The following NXNL2 variants were observed in gnomAD, a reference collection of about 807,000 sequenced individuals.
The protein encoded by NXNL2 is nucleoredoxin-like protein 2.
Under a neutral mutation model 11.1 loss-of-function variants are expected in NXNL2, and 7 were observed. The observed-to-expected ratio is 0.63, with a 90% CI of 0.36 to 1.18. The LOEUF is 1.18. Among genes scored for constraint, NXNL2 ranks in the 50% most tolerant of loss-of-function variants. The pLI, the probability that NXNL2 is intolerant of heterozygous loss-of-function variation, is 0.02. For synonymous variants in NXNL2, 109 were observed against 101.8 expected, an observed-to-expected ratio of 1.07 and a Z score of -0.42; for missense variants, 233 against 217.7, an observed-to-expected ratio of 1.07 and a Z score of -0.44.
At chr9:88,581,694 G>T (rs924120816) in intron 1 of NXNL2, among the ~76,000 whole-genome samples, 12 of 152,174 alleles carry the variant, frequency 7.9e-5, no homozygotes, top group Non-Finnish European at 1.8e-4. Context: ...GACCTCAGGT[G>T]ATCCGCCCAC....
At chr9:88,554,092 G>A (rs534903028) in intron 1 of NXNL2, among the ~76,000 whole-genome samples, 4 of 152,342 alleles carry the variant, frequency 2.6e-5, no homozygotes, top group South Asian at 2.1e-4. Flanking sequence ...ATATGATGAG[G>A]TGGTGGAGTC....
intron 1 of NXNL2, among the ~76,000 whole-genome samples, chr9:88,562,992 G>A (rs527458865): frequency 7.9e-5 from 12 of 152,056 alleles, no homozygotes; most frequent in South Asian, 6.2e-4. Context: ...GGAGGCTGAG[G>A]CAGGAGAATC....
intron 1 of NXNL2, among the ~76,000 whole-genome samples, chr9:88,556,789 A>T (rs1431133160): frequency 1.3e-5 from 2 of 152,052 alleles, no homozygotes; most frequent in African/African-American, 4.8e-5. Context: ...CCATAGAAAG[A>T]TGTTAGGCCA....
At chr9:88,541,400 A>G (rs1205022608) in intron 1 of NXNL2, among the ~76,000 whole-genome samples, 1 of 151,898 alleles carries the variant, frequency 6.6e-6, no homozygotes, top group Non-Finnish European at 1.5e-5. Context: ...AGCTGGGACT[A>G]CAGGTGCGTG....
intron 1 of NXNL2, among the ~76,000 whole-genome samples, chr9:88,562,946 G>T (rs2118502540): frequency 6.6e-6 from 1 of 151,278 alleles, no homozygotes; most frequent in Non-Finnish European, 1.5e-5. Flanking sequence ...AAATTAGCTG[G>T]GCGTGGTGGC....
chr9:88,544,301 A>G, intron 1 of NXNL2, 78 bp from the exon 2 acceptor site: 1 of 1,338,182 alleles, frequency 7.5e-7, no homozygotes. Context: ...GCTGTACCTC[A>G]GGCTGGAGGG....
At chr9:88,576,757 A>G (rs762055747), downstream of NXNL2, among the ~76,000 whole-genome samples, 8 of 152,132 alleles carry the variant, frequency 5.3e-5, no homozygotes, top group Non-Finnish European at 1.0e-4. Flanking sequence ...GGAGTAGACT[A>G]CAGGCAGCCC....
intron 2 of NXNL2, among the ~76,000 whole-genome samples, chr9:88,574,372 G>A (rs956586314): frequency 1.3e-5 from 2 of 152,172 alleles, no homozygotes; most frequent in Admixed American, 1.3e-4. Context: ...GATGACATAT[G>A]CCCAAGGTGG....
chr9:88,563,923 T>C (rs1428758425), intron 1 of NXNL2, among the ~76,000 whole-genome samples: 3 of 151,972 alleles, frequency 2.0e-5, no homozygotes, highest in African/African-American at 7.2e-5. Context: ...TCAAAGCCCT[T>C]CTCTGGGCCG....
intron 1 of NXNL2, among the ~76,000 whole-genome samples, chr9:88,551,649 C>T (rs542073954): frequency 6.6e-6 from 1 of 152,290 alleles, no homozygotes; most frequent in South Asian, 2.1e-4. Context: ...CTTCCCCTTC[C>T]CCTTCCCCTG....
At chr9:88,574,552 A>G (rs1830320557) in intron 2 of NXNL2, among the ~76,000 whole-genome samples, 1 of 152,246 alleles carries the variant, frequency 6.6e-6, no homozygotes, top group African/African-American at 2.4e-5. Flanking sequence ...TGAGTTTCTG[A>G]TTAGTTGTTC....
intron 1 of NXNL2, among the ~76,000 whole-genome samples, chr9:88,556,420 A>G (rs1409604160): frequency 6.6e-6 from 1 of 152,146 alleles, no homozygotes. Flanking sequence ...GTGACAGAAC[A>G]GTTTTTGACA....
chr9:88,567,242 C>T (rs985455641), intron 1 of NXNL2, among the ~76,000 whole-genome samples: 2 of 152,032 alleles, frequency 1.3e-5, no homozygotes, highest in Non-Finnish European at 2.9e-5. Flanking sequence ...AGGTTCAATC[C>T]ATTCTCCGGC....
intron 1 of NXNL2, among the ~76,000 whole-genome samples, chr9:88,553,413 C>A (rs535335275): frequency 6.6e-6 from 1 of 152,330 alleles, no homozygotes; most frequent in South Asian, 2.1e-4. Context: ...AAATAGCCCT[C>A]CAGAGTCTTC....
intron 1 of NXNL2, among the ~76,000 whole-genome samples, chr9:88,539,525 G>A (rs769487401): frequency 6.6e-6 from 1 of 152,178 alleles, no homozygotes; most frequent in Non-Finnish European, 1.5e-5. Context: ...GAAGTGACGT[G>A]TGCGAGCCCT....
intron 1 of NXNL2, among the ~76,000 whole-genome samples, chr9:88,569,842 A>G (rs1025162708): frequency 2.6e-5 from 4 of 152,198 alleles, no homozygotes; most frequent in African/African-American, 9.6e-5. Context: ...AATATGTTTT[A>G]GAATTAGATT....
intron 1 of NXNL2, among the ~76,000 whole-genome samples, chr9:88,555,989 T>C (rs1207335127): frequency 6.6e-6 from 1 of 152,190 alleles, no homozygotes; most frequent in Non-Finnish European, 1.5e-5. Context: ...AGGTGTGCCT[T>C]GAATGGCTTC....
At chr9:88,550,189 G>T (rs1019195898) in intron 1 of NXNL2, among the ~76,000 whole-genome samples, 1 of 152,100 alleles carries the variant, frequency 6.6e-6, no homozygotes, top group African/African-American at 2.4e-5. Context: ...CCAAGAGAAT[G>T]GCACTAAACC....
chr9:88,578,650 G>C (rs1389203681), downstream of NXNL2, among the ~76,000 whole-genome samples: 1 of 152,222 alleles, frequency 6.6e-6, no homozygotes, highest in Non-Finnish European at 1.5e-5. Flanking sequence ...CCTACCAACT[G>C]CTCCACACTG....
Sources: allele counts gnomAD v4.1 joint callset (sites outside exome capture counted in the v4.1 genomes callset), GRCh38; gene constraint gnomAD v4.1.1; transcripts MANE v1.5; gene names NCBI Gene and HGNC (gene_info 2026-07-23, HGNC 2026-07-21).